The following PIR variants were observed in gnomAD, a reference collection of about 807,000 sequenced individuals.
PIR encodes the protein pirin, also known as pirin (iron-binding nuclear protein).
A neutral mutation model predicts 24.2 loss-of-function variants in PIR; 22 were observed. That is an observed-to-expected ratio of 0.91 (90% CI 0.65 to 1.30). PIR has a LOEUF of 1.30. PIR is among the 50% of genes most tolerant of loss of function. The probability of loss-of-function intolerance (pLI) is 0.00; values close to 1 mark genes in which losing one functional copy is unlikely to be tolerated. For missense variants in PIR, 220 were observed against 220.3 expected (o/e 1.00, Z 0.01); for synonymous variants, 80 against 79.6 (o/e 1.00, Z -0.03).
chrX:15,461,244 G>T (rs781499807), intron 3 of PIR, among the ~76,000 whole-genome samples: 2 of 111,873 alleles, frequency 1.8e-5, no homozygotes, highest in Non-Finnish European at 3.8e-5. Flanking sequence ...CATATGTGAG[G>T]TCTCCACACC....
chrX:15,416,910 A>T (rs1295815176), intron 6 of PIR, among the ~76,000 whole-genome samples: 1 of 111,724 alleles, frequency 9.0e-6, no homozygotes, highest in Non-Finnish European at 1.9e-5. Context: ...CCTTGAGATG[A>T]CCACAGTCCC....
At chrX:15,414,167 T>C (rs1312709875) in intron 6 of PIR, among the ~76,000 whole-genome samples, 1 of 112,198 alleles carries the variant, frequency 8.9e-6, no homozygotes, top group African/African-American at 3.2e-5. Flanking sequence ...TACAAATGTA[T>C]TAGAATGCCC....
intron 5 of PIR, among the ~76,000 whole-genome samples, chrX:15,444,135 T>G (rs1186190645): frequency 8.9e-6 from 1 of 111,769 alleles, no homozygotes; most frequent in Admixed American, 9.5e-5. Flanking sequence ...AGAGAAATAT[T>G]TCGTGAAAGG....
intron 2 of PIR, among the ~76,000 whole-genome samples, chrX:15,483,520 C>T (rs1450191447): frequency 9.0e-6 from 1 of 111,169 alleles, no homozygotes; most frequent in East Asian, 2.8e-4. Flanking sequence ...TCTCCTCTCA[C>T]CTTCTGTATT....
At chrX:15,416,637 T>G (rs1924928210) in intron 6 of PIR, among the ~76,000 whole-genome samples, 1 of 111,897 alleles carries the variant, frequency 8.9e-6, no homozygotes, top group African/African-American at 3.3e-5. Context: ...GGGCTGTGGC[T>G]AGAGTCTTGC....
chrX:15,410,251 G>A (rs1002406350), intron 6 of PIR, among the ~76,000 whole-genome samples: 11 of 106,468 alleles, frequency 1.0e-4, no homozygotes, highest in African/African-American at 1.5e-4. Flanking sequence ...ACTCTGTCTC[G>A]GAAAAAAACA....
At chrX:15,433,161 G>T (rs1234079985) in intron 5 of PIR, among the ~76,000 whole-genome samples, 1 of 112,213 alleles carries the variant, frequency 8.9e-6, no homozygotes, top group Non-Finnish European at 1.9e-5. Context: ...CAATCTGGGA[G>T]TTGTCAGACT....
intron 5 of PIR, among the ~76,000 whole-genome samples, chrX:15,436,370 G>GA (rs1416377480): frequency 5.4e-4 from 61 of 112,130 alleles, no homozygotes; most frequent in African/African-American, 1.9e-3. Flanking sequence ...TCACAGTACT[G>GA]AAATTTAACC....
intron 2 of PIR, among the ~76,000 whole-genome samples, chrX:15,485,455 G>C (rs1452833181): frequency 9.0e-6 from 1 of 111,652 alleles, no homozygotes; most frequent in African/African-American, 3.3e-5. Flanking sequence ...ATCATATTGA[G>C]TGTTAGGTTT....
intron 6 of PIR, among the ~76,000 whole-genome samples, chrX:15,417,496 AT>A (rs1479823687): frequency 8.9e-6 from 1 of 111,761 alleles, no homozygotes; most frequent in Non-Finnish European, 1.9e-5. Context: ...TTTTTTCCCC[AT>A]AAACACAGAA....
At chrX:15,424,813 G>A (rs1303170630) in intron 6 of PIR, among the ~76,000 whole-genome samples, 1 of 111,410 alleles carries the variant, frequency 9.0e-6, no homozygotes, top group Non-Finnish European at 1.9e-5. Flanking sequence ...CCTGGGCAAC[G>A]TGGTGAAACC....
At chrX:15,420,290 A>C (rs915378177) in intron 6 of PIR, among the ~76,000 whole-genome samples, 7 of 95,566 alleles carry the variant, frequency 7.3e-5, no homozygotes, top group Admixed American at 6.9e-4. Context: ...AAATGCAAAT[A>C]CAGCTTTGGA....
At chrX:15,438,760 G>A (rs1184615555) in intron 5 of PIR, among the ~76,000 whole-genome samples, 1 of 111,219 alleles carries the variant, frequency 9.0e-6, no homozygotes, top group Non-Finnish European at 1.9e-5. Context: ...CCTCTCAGTG[G>A]TGGGAGTTCC....
chrX:15,492,582 T>C (rs182838318), intron 1 of PIR, among the ~76,000 whole-genome samples: 363 of 112,098 alleles, frequency 3.2e-3, no homozygotes, highest in South Asian at 0.013. Context: ...AAAAGCAGAC[T>C]CTGGAACCAG....
At chrX:15,397,204 A>C (rs909998847) in intron 8 of PIR, among the ~76,000 whole-genome samples, 2 of 112,467 alleles carry the variant, frequency 1.8e-5, no homozygotes, top group African/African-American at 6.5e-5. Context: ...TCCAGATTCA[A>C]ATTTCCAGGG....
rs781299004 is a variant in PIR at position 15,385,145 on chromosome X, T to C, written c.761-29A>G. 2.7e-5 allele frequency: 21 copies of C among 778,185 alleles called. No individual in the cohort carries two copies. The South Asian group carries it at 4.8e-4, about 18-fold the overall frequency. 64.1% of individuals were successfully genotyped at this position (778,185 alleles called of 1,213,427 possible). Reference sequence around the variant, plus strand: ...GGGCAGAAAGAGACATTCAGAAAGTTCTGGGTGGCAATATTTTCCTCTACC... The same window carrying C: ...GGGCAGAAAGAGACATTCAGAAAGTCCTGGGTGGCAATATTTTCCTCTACC... On this transcript the variant is annotated intron_variant, in intron 9 of 9. Coordinates refer to ENST00000380420, the MANE Select transcript of PIR (RefSeq NM_001018109.3).
intron 3 of PIR, among the ~76,000 whole-genome samples, chrX:15,470,788 A>G (rs180696855): frequency 0.023 from 2,482 of 109,583 alleles, 27 homozygotes; most frequent in Non-Finnish European, 0.038. Flanking sequence ...TTTTCAGTAG[A>G]GACGGGGTTT....
intron 3 of PIR, among the ~76,000 whole-genome samples, chrX:15,477,475 C>A (rs934135589): frequency 8.9e-6 from 1 of 111,750 alleles, no homozygotes; most frequent in Non-Finnish European, 1.9e-5. Context: ...TTTAAAGACA[C>A]CTTATTTAAC....
At chrX:15,446,165 T>C (rs1926096692) in intron 5 of PIR, among the ~76,000 whole-genome samples, 1 of 111,769 alleles carries the variant, frequency 8.9e-6, no homozygotes, top group Non-Finnish European at 1.9e-5. Context: ...GAGAATAAAT[T>C]TGAAAAGTTT....
Sources: allele counts gnomAD v4.1 joint callset (sites outside exome capture counted in the v4.1 genomes callset), GRCh38; gene constraint gnomAD v4.1.1; transcripts MANE v1.5; gene names NCBI Gene and HGNC (gene_info 2026-07-23, HGNC 2026-07-21).